CCBE1: variants seen among roughly 807,000 people sequenced by gnomAD.
CCBE1 encodes collagen and calcium binding EGF domains 1.
CCBE1 carries 37 observed loss-of-function variants against 50.0 expected under a neutral mutation model. The observed-to-expected ratio is 0.74, with a 90% confidence interval of 0.57 to 0.97. The LOEUF is 0.97. CCBE1 is among the 50% of genes least tolerant of loss of function. The pLI, the probability that CCBE1 is intolerant of heterozygous loss-of-function variation, is 0.00. For missense variants in CCBE1, 538 were observed against 523.8 expected (o/e 1.03, Z -0.26); for synonymous variants, 234 against 203.7 (o/e 1.15, Z -1.27).
chr18:59,627,491 T>A (rs2053800641), intron 2 of CCBE1, among the ~76,000 whole-genome samples: 1 of 152,086 alleles, frequency 6.6e-6, no homozygotes, highest in Admixed American at 6.5e-5. Context: ...ACCGGAGAAA[T>A]AGGTGTTATT....
intron 2 of CCBE1, among the ~76,000 whole-genome samples, chr18:59,501,019 C>G (rs1358053355): frequency 2.0e-5 from 3 of 152,212 alleles, no homozygotes; most frequent in Admixed American, 1.3e-4. Context: ...GAGTGTCAGA[C>G]AGTGCAAGAA....
chr18:59,656,157 A>G (rs1568257020), intron 2 of CCBE1, among the ~76,000 whole-genome samples: 2 of 152,232 alleles, frequency 1.3e-5, no homozygotes, highest in Non-Finnish European at 1.5e-5. Context: ...CATGCATGCT[A>G]TAATTTTACA....
chr18:59,493,545 C>CTT (rs56316631), intron 2 of CCBE1, among the ~76,000 whole-genome samples: 4,086 of 149,350 alleles, frequency 0.027, 184 homozygotes, highest in African/African-American at 0.093. Context: ...CTCATAAAAA[C>CTT]TTTTTTTTTT....
chr18:59,486,328 C>A (rs2143791147), intron 2 of CCBE1, among the ~76,000 whole-genome samples: 1 of 152,230 alleles, frequency 6.6e-6, no homozygotes, highest in South Asian at 2.1e-4. Flanking sequence ...TCTTTCTTTC[C>A]ACCTCTTATT....
chr18:59,521,992 C>A (rs1176086799), intron 2 of CCBE1, among the ~76,000 whole-genome samples: 3 of 152,128 alleles, frequency 2.0e-5, no homozygotes, highest in African/African-American at 7.2e-5. Context: ...AAAATCCAGG[C>A]TGTATTCTTT....
chr18:59,640,494 A>G (rs1214014805), intron 2 of CCBE1, among the ~76,000 whole-genome samples: 1 of 152,224 alleles, frequency 6.6e-6, no homozygotes, highest in East Asian at 1.9e-4. Context: ...GATGGATTAA[A>G]GACTTAAACA....
chr18:59,621,023 T>A (rs1233938019), intron 2 of CCBE1, among the ~76,000 whole-genome samples: 1 of 152,172 alleles, frequency 6.6e-6, no homozygotes, highest in East Asian at 1.9e-4. Flanking sequence ...GAGTTCAACT[T>A]GGCATGTGAA....
intron 2 of CCBE1, chr18:59,685,688 A>G (rs2054645119): frequency 6.6e-6 from 1 of 152,204 alleles, no homozygotes; most frequent in Non-Finnish European, 1.5e-5. Context: ...GAGCAGCCTG[A>G]ATGCTGGGAA....
At chr18:59,509,417 C>T (rs1914033583) in intron 2 of CCBE1, among the ~76,000 whole-genome samples, 1 of 152,112 alleles carries the variant, frequency 6.6e-6, no homozygotes, top group Non-Finnish European at 1.5e-5. Context: ...AAACTGCTAT[C>T]ATTTAACCAC....
At chr18:59,668,560 A>G (rs2054388239) in intron 2 of CCBE1, among the ~76,000 whole-genome samples, 1 of 152,152 alleles carries the variant, frequency 6.6e-6, no homozygotes, top group Non-Finnish European at 1.5e-5. Flanking sequence ...TCATTGAAAT[A>G]GCTTCCATTC....
At chr18:59,554,844 T>G (rs2052633790) in intron 2 of CCBE1, among the ~76,000 whole-genome samples, 1 of 152,138 alleles carries the variant, frequency 6.6e-6, no homozygotes, top group Admixed American at 6.6e-5. Context: ...GGTTCCAGAG[T>G]GCAGGTCATG....
At chr18:59,523,159 G>A (rs1274756150) in intron 2 of CCBE1, among the ~76,000 whole-genome samples, 2 of 151,904 alleles carry the variant, frequency 1.3e-5, no homozygotes, top group East Asian at 1.9e-4. Context: ...TGATGTAAGC[G>A]TGTGTATCCT....
At chr18:59,514,086 T>C (rs180968294) in intron 2 of CCBE1, among the ~76,000 whole-genome samples, 5 of 152,262 alleles carry the variant, frequency 3.3e-5, no homozygotes, top group Admixed American at 1.3e-4. Context: ...CACCACACCA[T>C]ATGCCTATCG....
intron 2 of CCBE1, among the ~76,000 whole-genome samples, chr18:59,614,611 AGAAG>A (rs2053615100): frequency 6.6e-6 from 1 of 152,194 alleles, no homozygotes; most frequent in African/African-American, 2.4e-5. Context: ...AATGAAGCCC[AGAAG>A]GAAGGGCCTC....
At chr18:59,639,615 T>C (rs1406417011) in intron 2 of CCBE1, among the ~76,000 whole-genome samples, 3 of 152,124 alleles carry the variant, frequency 2.0e-5, no homozygotes, top group African/African-American at 7.2e-5. Flanking sequence ...ACCACTCCTA[T>C]TCAACTTAGT....
At chr18:59,458,644 G>T (rs1207767893) in intron 5 of CCBE1, among the ~76,000 whole-genome samples, 1 of 152,220 alleles carries the variant, frequency 6.6e-6, no homozygotes, top group African/African-American at 2.4e-5. Flanking sequence ...ATTGCTGTGC[G>T]AAGAGACCAC....
intron 2 of CCBE1, among the ~76,000 whole-genome samples, chr18:59,523,132 G>T (rs1334065348): frequency 6.6e-6 from 1 of 151,714 alleles, no homozygotes; most frequent in African/African-American, 2.4e-5. Flanking sequence ...TTCCACCAAT[G>T]ACTACTCCTA....
rs546035209 is a variant in CCBE1, at chr18:59,595,114, C to CAAAAAAAAAAAAAAAAAAAAAAAA, written c.212+101514_212+101515insTTTTTTTTTTTTTTTTTTTTTTTT. Among the ~76,000 whole-genome samples, 15 of 73,584 alleles carry CAAAAAAAAAAAAAAAAAAAAAAAA rather than the reference C, an allele frequency of 2.0e-4. 1 individual carries two copies. The highest frequency in any genetic ancestry group is 6.7e-4 in the African/African-American group (15 of 22,502). The allele number at this position is 73,584 out of a possible 152,430, so 48.3% of individuals were successfully genotyped here. On this transcript the variant is annotated intron_variant, in intron 2 of 10. Transcript: ENST00000439986. ...CTGGCAACAGAGCGAGACTCTGTCT[C>CAAAAAAAAAAAAAAAAAAAAAAAA]AAAAAAAAAAAAAAAAAAATCCATT...
chr18:59,590,094 A>T (rs2053240978), intron 2 of CCBE1, among the ~76,000 whole-genome samples: 4 of 152,200 alleles, frequency 2.6e-5, no homozygotes, highest in African/African-American at 9.6e-5. Context: ...TTTCCACTAT[A>T]GTCAGAAGCA....
Sources: gnomAD v4.1 joint callset for allele counts (sites outside exome capture counted in the v4.1 genomes callset) on GRCh38, gnomAD v4.1.1 for gene constraint, MANE v1.5 for transcripts, NCBI Gene and HGNC (gene_info 2026-07-23, HGNC 2026-07-21) for gene names.